Variants in CCDC85A observed in about 807,000 individuals in gnomAD.
CCDC85A encodes the protein coiled-coil domain containing 85A, also known as coiled-coil domain-containing protein 85A.
In CCDC85A, 38 loss-of-function variants were observed where a neutral mutation model predicts 50.2. That is an observed-to-expected ratio of 0.76 (90% confidence interval 0.58 to 0.99). The LOEUF is 0.99. CCDC85A is among the 50% of genes least tolerant of loss of function. The probability of loss-of-function intolerance (pLI) is 0.00; values close to 1 mark genes in which losing one functional copy is unlikely to be tolerated. For missense variants in CCDC85A, 820 were observed against 742.0 expected, an observed-to-expected ratio of 1.11 and a Z score of -1.22; for synonymous variants, 366 against 301.4, an observed-to-expected ratio of 1.21 and a Z score of -2.22.
chr2:56,318,493 A>T (rs778364899), intron 2 of CCDC85A, among the ~76,000 whole-genome samples: 1 of 152,074 alleles, frequency 6.6e-6, no homozygotes, highest in Non-Finnish European at 1.5e-5. Context: ...CACTTAACAC[A>T]TTTAAAGATA....
intron 2 of CCDC85A, among the ~76,000 whole-genome samples, chr2:56,334,629 A>G (rs964317256): frequency 6.8e-5 from 10 of 146,142 alleles, no homozygotes; most frequent in Admixed American, 2.0e-4. Flanking sequence ...GAGCTTTGCA[A>G]TATCTCATTG....
intron 3 of CCDC85A, among the ~76,000 whole-genome samples, chr2:56,360,694 T>C (rs557059180): frequency 5.9e-5 from 9 of 152,296 alleles, no homozygotes; most frequent in African/African-American, 2.2e-4. Context: ...AAATAAACTG[T>C]GTTAAGCAAG....
Position 56,184,454 on chromosome 2 carries a change from A to C in CCDC85A, c.-171A>C. 25 of 631,752 alleles carry C rather than the reference A, an allele frequency of 4.0e-5. No individual in the cohort carries two copies. The highest frequency in any genetic ancestry group is 4.6e-5 in the Non-Finnish European group (21 of 456,226). 39.1% of individuals were successfully genotyped at this position (631,752 alleles called of 1,614,324 possible). On this transcript the variant is annotated 5_prime_UTR_variant, in exon 1 of 6. An upstream open reading frame in the 5' UTR loses its in-frame stop. Transcript: ENST00000407595. Reference sequence around the variant, plus strand: ...GGCGCGCGCGCGGGGATGGCGAGGTAGGATGGCCACCCAGCGCGACCCCCG... The same window carrying C: ...GGCGCGCGCGCGGGGATGGCGAGGTCGGATGGCCACCCAGCGCGACCCCCG...
intron 3 of CCDC85A, among the ~76,000 whole-genome samples, chr2:56,362,041 A>C (rs1675552627): frequency 6.6e-6 from 1 of 152,074 alleles, no homozygotes; most frequent in Admixed American, 6.6e-5. Flanking sequence ...GTGCTTAATG[A>C]TAGATGGAAT....
chr2:56,274,431 A>G (rs1457712034), intron 2 of CCDC85A, among the ~76,000 whole-genome samples: 1 of 152,226 alleles, frequency 6.6e-6, no homozygotes, highest in African/African-American at 2.4e-5. Context: ...TTCAAAATCC[A>G]CAGGGCAGGA....
At chr2:56,278,860 T>C (rs1020390112) in intron 2 of CCDC85A, among the ~76,000 whole-genome samples, 2 of 152,150 alleles carry the variant, frequency 1.3e-5, no homozygotes, top group African/African-American at 4.8e-5. Context: ...GGCATGAGCC[T>C]CCGCGCCAGA....
At chr2:56,346,872 T>C (rs1674657236) in intron 3 of CCDC85A, among the ~76,000 whole-genome samples, 1 of 152,218 alleles carries the variant, frequency 6.6e-6, no homozygotes, top group Non-Finnish European at 1.5e-5. Flanking sequence ...GCTAAGCTGC[T>C]CACATTGGCT....
Position 56,209,833 on chromosome 2 carries a change from A to G in CCDC85A, c.1240+16393A>G, listed in dbSNP as rs139481330. Among the ~76,000 whole-genome samples, 775 of 152,130 alleles carry G rather than the reference A, an allele frequency of 5.1e-3. 7 individuals are homozygous for G. The highest frequency in any genetic ancestry group is 0.016 in the African/African-American group (674 of 41,536). On this transcript the variant is annotated intron_variant, in intron 2 of 5. Transcript: ENST00000407595. ...ATGTATGAGGTTCACTTTTTATTCA[A>G]CAGTGGAATTCCTGCTTTATAGGTC...
chr2:56,366,104 G>T (rs1473105444), intron 3 of CCDC85A, among the ~76,000 whole-genome samples: 1 of 152,108 alleles, frequency 6.6e-6, no homozygotes, highest in African/African-American at 2.4e-5. Flanking sequence ...CGTTTTTAAG[G>T]CTGAATAGTA....
intron 2 of CCDC85A, among the ~76,000 whole-genome samples, chr2:56,237,884 G>A (rs967129154): frequency 6.6e-6 from 1 of 152,110 alleles, no homozygotes; most frequent in African/African-American, 2.4e-5. Context: ...GTGGCTTGGT[G>A]TAGTGCCATG....
At chr2:56,382,040 A>G (rs768554248) in intron 5 of CCDC85A, among the ~76,000 whole-genome samples, 9 of 151,984 alleles carry the variant, frequency 5.9e-5, no homozygotes, top group African/African-American at 7.2e-5. Context: ...TGAGGAAAAA[A>G]TGCAAACAAA....
At chr2:56,374,433 T>A in intron 4 of CCDC85A, among the ~76,000 whole-genome samples, 1 of 152,216 alleles carries the variant, frequency 6.6e-6, no homozygotes, top group East Asian at 1.9e-4. Flanking sequence ...TAAACTTTCC[T>A]TATAAAGCAT....
In CCDC85A at chr2:56,184,645, CGCG is replaced by C; in HGVS notation, c.30_32del (p.Ala15del). 3 of 1,438,094 alleles carry C rather than the reference CGCG, an allele frequency of 2.1e-6. No homozygotes were observed. Among genetic ancestry groups the C allele is most frequent in the Admixed American group, 3.0e-5 (1 of 33,094 alleles). The allele number at this position is 1,438,094 out of a possible 1,614,324, so 89.1% of individuals were successfully genotyped here. A position where few individuals can be genotyped will look rare whatever the true frequency, so the allele number is the denominator to read the frequency against. ...ATACCATGTCGAAGGCGGCCGGAGG[CGCG>C]GCGGCGGCTGCGGCGGCGGCGGAAA... On this transcript the variant is annotated inframe_deletion, in exon 1 of 6. Transcript: ENST00000407595.
chr2:56,383,575 T>C (rs1676691772), intron 5 of CCDC85A: 1 of 984,872 alleles, frequency 1.0e-6, no homozygotes, highest in Admixed American at 6.2e-5. Flanking sequence ...ATTCTTGAAT[T>C]TATTCTTATC....
chr2:56,336,889 A>G (rs1674100435), intron 2 of CCDC85A, among the ~76,000 whole-genome samples: 1 of 151,646 alleles, frequency 6.6e-6, no homozygotes, highest in Admixed American at 6.6e-5. Context: ...GTCAGGGAGG[A>G]AAAAAAAAGA....
At chr2:56,260,463 T>C (rs1670172160) in intron 2 of CCDC85A, among the ~76,000 whole-genome samples, 1 of 152,254 alleles carries the variant, frequency 6.6e-6, no homozygotes, top group Non-Finnish European at 1.5e-5. Flanking sequence ...AGCAAATTTA[T>C]TCAAGTCTGG....
intron 2 of CCDC85A, among the ~76,000 whole-genome samples, chr2:56,322,430 CTCAAACAGATTTACAAGAAAAAA>C (rs1195987908): frequency 1.3e-5 from 2 of 152,138 alleles, no homozygotes; most frequent in Non-Finnish European, 2.9e-5. Flanking sequence ...CTACAAAAAA[CTCAAACAGATTTACAAGAAAAAA>C]TCAAACAACC....
intron 2 of CCDC85A, among the ~76,000 whole-genome samples, chr2:56,341,077 A>G (rs1220286999): frequency 6.6e-6 from 1 of 152,072 alleles, no homozygotes; most frequent in African/African-American, 2.4e-5. Flanking sequence ...AACTGTCCAC[A>G]TGTGCAGTGG....
intron 2 of CCDC85A, among the ~76,000 whole-genome samples, chr2:56,322,478 G>A (rs541844984): frequency 9.2e-5 from 14 of 152,244 alleles, no homozygotes; most frequent in African/African-American, 3.1e-4. Context: ...TAAAAAGTGG[G>A]TGATGGATAT....
Sources: gnomAD v4.1 joint callset for allele counts (sites outside exome capture counted in the v4.1 genomes callset) on GRCh38, gnomAD v4.1.1 for gene constraint, MANE v1.5 for transcripts, NCBI Gene and HGNC (gene_info 2026-07-23, HGNC 2026-07-21) for gene names.